THSD7A: variants seen among roughly 807,000 people sequenced by gnomAD.
THSD7A encodes the protein thrombospondin type-1 domain-containing protein 7A.
A neutral mutation model predicts 231.3 loss-of-function variants in THSD7A; 96 were observed. The ratio of observed to expected loss-of-function variants is 0.41; its 90% confidence interval spans 0.35 to 0.49. The LOEUF is 0.49. Ranked by LOEUF, THSD7A falls within the 20% of genes least tolerant of loss-of-function variation. The pLI is 0.05. For synonymous variants in THSD7A, 940 were observed against 743.3 expected, an observed-to-expected ratio of 1.26 and a Z score of -4.30; for missense variants, 2,290 against 2,070.2, an observed-to-expected ratio of 1.11 and a Z score of -2.06.
At chr7:11,758,617 C>T (rs1034952526) in intron 1 of THSD7A, among the ~76,000 whole-genome samples, 4 of 151,968 alleles carry the variant, frequency 2.6e-5, no homozygotes, top group East Asian at 1.9e-4. Flanking sequence ...TGAATGTATC[C>T]GTAACTACAG....
rs6971771 is a variant in THSD7A, at chr7:11,483,849, A to C, written c.1823-1867T>G. Among the ~76,000 whole-genome samples the C allele has an allele frequency of 3.3e-5, 5 of 152,110 alleles. No homozygotes were observed. The Middle Eastern group carries it at 0.01, about 313-fold the overall frequency. Reference sequence around the variant, plus strand: ...CTCTAATAGTTACCTAATCTTTTCTATTCAGAAAAATATTTATTCTGTGGC... The same window carrying C: ...CTCTAATAGTTACCTAATCTTTTCTCTTCAGAAAAATATTTATTCTGTGGC... On this transcript the variant is annotated intron_variant, in intron 6 of 27. Transcript: ENST00000423059.
intron 1 of THSD7A, among the ~76,000 whole-genome samples, chr7:11,709,785 G>T (rs1054590947): frequency 6.6e-6 from 1 of 150,768 alleles, no homozygotes; most frequent in African/African-American, 2.4e-5. Context: ...AAGCCACAGA[G>T]AATACAGCAA....
At chr7:11,420,524 G>A (rs1784108720) in intron 16 of THSD7A, among the ~76,000 whole-genome samples, 1 of 152,228 alleles carries the variant, frequency 6.6e-6, no homozygotes, top group Non-Finnish European at 1.5e-5. Context: ...AGGATGTATG[G>A]AAATGCCTGG....
At chr7:11,395,096 A>G (rs1162145931) in intron 23 of THSD7A, among the ~76,000 whole-genome samples, 1 of 152,092 alleles carries the variant, frequency 6.6e-6, no homozygotes, top group Non-Finnish European at 1.5e-5. Flanking sequence ...AGACACACAT[A>G]GGCTTAAAAT....
chr7:11,484,823 G>A (rs1354339918), intron 6 of THSD7A, among the ~76,000 whole-genome samples: 1 of 144,128 alleles, frequency 6.9e-6, no homozygotes, highest in Non-Finnish European at 1.5e-5. Flanking sequence ...ATCCCCTGGA[G>A]TTTGCTGGAA....
At chr7:11,523,951 T>C (rs1309049930) in intron 6 of THSD7A, among the ~76,000 whole-genome samples, 5 of 152,192 alleles carry the variant, frequency 3.3e-5, no homozygotes, top group African/African-American at 1.2e-4. Flanking sequence ...GTATAGATTA[T>C]TATATTTGAG....
chr7:11,813,375 A>C (rs1784586444), intron 1 of THSD7A, among the ~76,000 whole-genome samples: 1 of 152,144 alleles, frequency 6.6e-6, no homozygotes, highest in South Asian at 2.1e-4. Context: ...ATCATAACCG[A>C]AATTCACAAA....
intron 11 of THSD7A, among the ~76,000 whole-genome samples, chr7:11,450,276 C>T (rs773352901): frequency 6.6e-6 from 1 of 151,916 alleles, no homozygotes; most frequent in Non-Finnish European, 1.5e-5. Flanking sequence ...CCCTTTTCCC[C>T]ATATACCTGC....
intron 1 of THSD7A, among the ~76,000 whole-genome samples, chr7:11,653,446 ATATGTGTGTGTG>A (rs1233062127): frequency 2.1e-5 from 2 of 93,722 alleles, no homozygotes; most frequent in Non-Finnish European, 4.7e-5. Flanking sequence ...CCACTCCCAG[ATATGTGTGTGTG>A]TGTGTGTGTG....
chr7:11,472,563 T>C (rs772297121), intron 8 of THSD7A, among the ~76,000 whole-genome samples: 4 of 152,168 alleles, frequency 2.6e-5, no homozygotes, highest in Non-Finnish European at 5.9e-5. Flanking sequence ...AGTCTATAGA[T>C]GCACATAAGT....
intron 7 of THSD7A, among the ~76,000 whole-genome samples, chr7:11,478,138 A>G (rs1264007846): frequency 6.6e-6 from 1 of 152,042 alleles, no homozygotes; most frequent in Admixed American, 6.6e-5. Context: ...TCCATTACCC[A>G]TTGTTATCTC....
chr7:11,537,509 T>A (rs1036117691), intron 6 of THSD7A, among the ~76,000 whole-genome samples: 4 of 152,120 alleles, frequency 2.6e-5, no homozygotes, highest in Non-Finnish European at 5.9e-5. Flanking sequence ...CTCTCTTCTC[T>A]CCCTCTGTTG....
chr7:11,393,613 C>A (rs1562573394), intron 23 of THSD7A, among the ~76,000 whole-genome samples: 1 of 152,078 alleles, frequency 6.6e-6, no homozygotes, highest in Non-Finnish European at 1.5e-5. Flanking sequence ...AAGCTAAGAA[C>A]CTTGAAAAAA....
intron 4 of THSD7A, among the ~76,000 whole-genome samples, chr7:11,585,824 T>G (rs1779872940): frequency 1.3e-5 from 2 of 152,078 alleles, no homozygotes; most frequent in South Asian, 4.1e-4. Context: ...ATTCACCTGA[T>G]GTGAACATCT....
At chr7:11,806,894 C>G (rs1230178738) in intron 1 of THSD7A, among the ~76,000 whole-genome samples, 1 of 152,098 alleles carries the variant, frequency 6.6e-6, no homozygotes, top group Admixed American at 6.6e-5. Context: ...GTCTTTCTCT[C>G]CACTGCTAAC....
At chr7:11,663,638 A>AT (rs141087764) in intron 1 of THSD7A, among the ~76,000 whole-genome samples, 4 of 151,404 alleles carry the variant, frequency 2.6e-5, no homozygotes, top group Non-Finnish European at 5.9e-5. Context: ...ATGGATGCAA[A>AT]TTTTTTTTAA....
At chr7:11,509,889 T>C (rs749964284) in intron 6 of THSD7A, among the ~76,000 whole-genome samples, 6 of 149,806 alleles carry the variant, frequency 4.0e-5, no homozygotes, top group African/African-American at 9.8e-5. Context: ...AATCTGAACA[T>C]TGGAAGATAA....
intron 6 of THSD7A, among the ~76,000 whole-genome samples, chr7:11,511,797 A>G (rs1188666042): frequency 2.6e-5 from 4 of 152,256 alleles, no homozygotes; most frequent in Non-Finnish European, 5.9e-5. Context: ...GATGGATTAA[A>G]AACTTAAATG....
Position 11,590,281 on chromosome 7 carries a change from T to C in THSD7A, c.1453+179A>G, listed in dbSNP as rs1320831723. ...AACCAGAACTGACCAAAGATGGAAT[T>C]GTGTTAAATATTTTCACAACCATAA... On this transcript the variant is annotated intron_variant, in intron 4 of 27. Transcript: ENST00000423059. The surrounding 1 kb of genome is among the most constrained non-coding windows in gnomAD (Gnocchi z 4.4). 1.3e-5 allele frequency among the ~76,000 whole-genome samples: 2 copies of C among 152,176 alleles called. No individual in the cohort carries two copies. Among genetic ancestry groups the C allele is most frequent in the South Asian group, 2.1e-4 (1 of 4,830 alleles).
Sources: allele counts gnomAD v4.1 joint callset (sites outside exome capture counted in the v4.1 genomes callset), GRCh38; gene constraint gnomAD v4.1.1; non-coding constraint Gnocchi (gnomAD v3.1); transcripts MANE v1.5; gene names NCBI Gene and HGNC (gene_info 2026-07-23, HGNC 2026-07-21).